The following NF1 variants were observed in gnomAD, a reference collection of about 807,000 sequenced individuals.
NF1 encodes neurofibromin.
A neutral mutation model predicts 325.7 loss-of-function variants in NF1; 122 were observed. The observed-to-expected ratio is 0.37, with a 90% CI of 0.32 to 0.44. NF1 has a LOEUF of 0.44. NF1 is among the 20% of genes least tolerant of loss of function. The pLI, the probability that NF1 is intolerant of heterozygous loss-of-function variation, is 1.00. For synonymous variants in NF1, 1,091 were observed against 1,186.0 expected, an observed-to-expected ratio of 0.92 and a Z score of 1.65; for missense variants, 2,140 against 3,415.4, an observed-to-expected ratio of 0.63 and a Z score of 9.31.
chr17:31,295,537 G>A, intron 36 of NF1: 1 of 1,614,078 alleles, frequency 6.2e-7, no homozygotes, highest in South Asian at 1.1e-5. Flanking sequence ...TGGGATACAT[G>A]TTATGTTCCT....
intron 2 of NF1, among the ~76,000 whole-genome samples, chr17:31,158,481 C>A (rs1022031512): frequency 2.6e-5 from 4 of 151,994 alleles, no homozygotes; most frequent in Admixed American, 2.6e-4. Flanking sequence ...ATATTTGGGA[C>A]CCTCTTTTCA....
At chr17:31,206,123 C>T (rs1260537013) in intron 11 of NF1, 117 bp from the exon 12 acceptor site, 2 of 1,092,032 alleles carry the variant, frequency 1.8e-6, no homozygotes, top group African/African-American at 1.5e-5. Context: ...TGTGTGTTTG[C>T]ATGGTCTTAG....
chr17:31,306,699 A>G lies in NF1; in HGVS notation c.4836-19121A>G, dbSNP rs375783615. ...GAGTGATCTCTGAATCTGGTGGAGT[A>G]AATTCAATCCAGTTGGTCAAGTAGT... On this transcript the variant is annotated intron_variant, in intron 36 of 57. Transcript: ENST00000358273. Among the ~76,000 whole-genome samples the G allele has an allele frequency of 1.6e-4, 24 of 152,282 alleles. No homozygotes were observed. In the South Asian group the frequency reaches 4.8e-3, roughly 30 times the overall value.
At chr17:31,197,711 A>G (rs778102223) in intron 8 of NF1, among the ~76,000 whole-genome samples, 1 of 152,112 alleles carries the variant, frequency 6.6e-6, no homozygotes, top group African/African-American at 2.4e-5. Flanking sequence ...TGTATGTGTC[A>G]TCTTTAGGGA....
chr17:31,332,262 G>A (rs1217900440), intron 39 of NF1, among the ~76,000 whole-genome samples: 18 of 151,950 alleles, frequency 1.2e-4, no homozygotes, highest in Admixed American at 5.9e-4. Flanking sequence ...TAAGGAGTTC[G>A]AGACCAGCCT....
chr17:31,286,269 A>G (rs988061927), intron 36 of NF1, among the ~76,000 whole-genome samples: 20 of 152,026 alleles, frequency 1.3e-4, no homozygotes, highest in Non-Finnish European at 2.2e-4. Flanking sequence ...TAATTTTTGT[A>G]TTTTTAGTAG....
chr17:31,328,076 C>T (rs985719842), intron 38 of NF1, among the ~76,000 whole-genome samples: 4 of 152,152 alleles, frequency 2.6e-5, no homozygotes, highest in Non-Finnish European at 4.4e-5. Context: ...TAAAACAACA[C>T]GACATAGCAG....
chr17:31,286,945 A>C (rs975670057), intron 36 of NF1, among the ~76,000 whole-genome samples: 1 of 152,266 alleles, frequency 6.6e-6, no homozygotes, highest in African/African-American at 2.4e-5. Flanking sequence ...AGAAGCATTC[A>C]GTATGTTTCA....
intron 31 of NF1, among the ~76,000 whole-genome samples, chr17:31,256,955 C>T (rs1373732998): frequency 6.6e-6 from 1 of 152,152 alleles, no homozygotes; most frequent in Non-Finnish European, 1.5e-5. Context: ...TTTTTACTAA[C>T]TTCCTGTTAG....
At chr17:31,332,032 AAAG>A (rs2069510608) in intron 39 of NF1, 1 of 152,016 alleles carries the variant, frequency 6.6e-6, no homozygotes, top group South Asian at 2.1e-4. Context: ...ATGAAGTAAA[AAAG>A]TGATAGGATG....
rs1284794331 is a variant in NF1 at position 31,278,589 on chromosome 17, CTCAT to C, written c.4835+13261_4835+13264del. 4.7e-5 allele frequency among the ~76,000 whole-genome samples: 6 copies of C among 127,524 alleles called. No homozygotes were observed. In the Admixed American group the frequency reaches 5.5e-4, roughly 12 times the overall value. The allele number at this position is 127,524 out of a possible 152,430, so 83.7% of individuals were successfully genotyped here. On this transcript the variant is annotated intron_variant, in intron 36 of 57. Transcript: ENST00000358273. ...TGCTCATTGCACCTGTGCCTCATGT[CTCAT>C]TCATTCATTCGTTTATTTTTTTATT...
At chr17:31,241,491 C>CT (rs1231581094) in intron 29 of NF1, among the ~76,000 whole-genome samples, 293 of 152,044 alleles carry the variant, frequency 1.9e-3, no homozygotes, top group African/African-American at 6.7e-3. Flanking sequence ...TAATTTCTTG[C>CT]TTTTTATTTT....
chr17:31,114,249 T>C (rs1018368850), intron 1 of NF1, among the ~76,000 whole-genome samples: 5 of 152,206 alleles, frequency 3.3e-5, no homozygotes, highest in African/African-American at 1.2e-4. Context: ...ATTCAAGATC[T>C]CAGCTGGTGG....
At chr17:31,368,509 C>T (rs937257249) in intron 57 of NF1, among the ~76,000 whole-genome samples, 21 of 152,136 alleles carry the variant, frequency 1.4e-4, no homozygotes, top group African/African-American at 2.9e-4. Context: ...ATATTTAATA[C>T]GCCTCCATGA....
At chr17:31,127,647 G>T (rs550985928) in intron 1 of NF1, among the ~76,000 whole-genome samples, 1 of 149,332 alleles carries the variant, frequency 6.7e-6, no homozygotes, top group African/African-American at 2.5e-5. Flanking sequence ...GCCCAGGCTG[G>T]TCTTAAACTC....
intron 1 of NF1, among the ~76,000 whole-genome samples, chr17:31,118,066 TTA>T (rs1914107236): frequency 6.6e-6 from 1 of 150,988 alleles, no homozygotes; most frequent in African/African-American, 2.4e-5. Flanking sequence ...TGGTTGTTTT[TTA>T]AACTAGGTTA....
chr17:31,128,814 C>T (rs537836909), intron 1 of NF1, among the ~76,000 whole-genome samples: 5 of 151,722 alleles, frequency 3.3e-5, no homozygotes, highest in African/African-American at 9.7e-5. Flanking sequence ...CCCAGCTACT[C>T]GGGAGCCTGA....
At chr17:31,117,426 A>G (rs2143349541) in intron 1 of NF1, among the ~76,000 whole-genome samples, 1 of 151,600 alleles carries the variant, frequency 6.6e-6, no homozygotes, top group East Asian at 2.0e-4. Context: ...TAATCCCAGC[A>G]CTTTGGGAGG....
chr17:31,142,866 CAAA>C (rs34391793), intron 1 of NF1, among the ~76,000 whole-genome samples: 1 of 138,230 alleles, frequency 7.2e-6, no homozygotes, highest in Non-Finnish European at 1.5e-5. Context: ...GACTCTGTCT[CAAA>C]AAAAAAAAAA....
Sources: gnomAD v4.1 joint callset for allele counts (sites outside exome capture counted in the v4.1 genomes callset) on GRCh38, gnomAD v4.1.1 for gene constraint, MANE v1.5 for transcripts, NCBI Gene and HGNC (gene_info 2026-07-23, HGNC 2026-07-21) for gene names.